PHACTR2: variants seen among roughly 807,000 people sequenced by gnomAD.
PHACTR2 encodes the protein phosphatase and actin regulator 2, also known as chromosome 6 open reading frame 56.
Under a neutral mutation model 76.0 loss-of-function variants are expected in PHACTR2, and 30 were observed. That is an observed-to-expected ratio of 0.39 (90% CI 0.30 to 0.54). PHACTR2 has a LOEUF of 0.54. Ranked by LOEUF, PHACTR2 falls within the 20% of genes least tolerant of loss-of-function variation. The pLI is 0.61. For missense variants in PHACTR2, 696 were observed against 781.1 expected (o/e 0.89, Z 1.30); for synonymous variants, 292 against 292.5 (o/e 1.00, Z 0.02).
At chr6:143,686,776 C>T (rs188766702) in intron 1 of PHACTR2, among the ~76,000 whole-genome samples, 17 of 152,072 alleles carry the variant, frequency 1.1e-4, no homozygotes, top group Admixed American at 6.5e-5. Flanking sequence ...TGAGCCACTG[C>T]GCCCACCCAG....
chr6:143,618,894 A>T lies in PHACTR2; in HGVS notation c.13+10572A>T, dbSNP rs1044833060. On this transcript the variant is annotated intron_variant, in intron 1 of 11. Coordinates refer to the PHACTR2 transcript ENST00000305766. The surrounding 1 kb of genome is among the most constrained non-coding windows in gnomAD (Gnocchi z 5.2). ...GCTGCTTCACGTGCTCCTCAAGAAC[A>T]GGGCCACGTCTCCTTCTTGAGCCTT... Among the ~76,000 whole-genome samples the T allele has an allele frequency of 6.6e-6, 1 of 152,062 alleles. No individual in the cohort carries two copies. Among genetic ancestry groups the T allele is most frequent in the Admixed American group, 6.6e-5 (1 of 15,258 alleles).
chr6:143,709,484 G>A lies in PHACTR2; in HGVS notation c.47-2532G>A, dbSNP rs534085636. 2.6e-5 allele frequency among the ~76,000 whole-genome samples: 4 copies of A among 152,164 alleles called. No homozygotes were observed. The highest frequency in any genetic ancestry group is 4.8e-5 in the African/African-American group (2 of 41,438). On this transcript the variant is annotated intron_variant, in intron 1 of 12. Coordinates refer to ENST00000440869, the MANE Select transcript of PHACTR2 (RefSeq NM_001100164.2). This position sits in a 1 kb window ranked among gnomAD's most constrained non-coding sequence, Gnocchi z 4.4. ...GTTCTTAGTGTGTCAAGTGATTTTC[G>A]ATGGAAACTTGGACATTTTTGTATT... is the stretch of plus-strand genomic sequence containing the variant.
rs779925700 is a variant in PHACTR2, at chr6:143,787,555, G to A, written c.1708-1218G>A. Among the ~76,000 whole-genome samples, 1 of 152,214 alleles carries A rather than the reference G, an allele frequency of 6.6e-6. No individual in the cohort carries two copies. The highest frequency in any genetic ancestry group is 2.1e-4 in the South Asian group (1 of 4,832). ...AATATTACAGTATTGGCTTAGTTCA[G>A]AAGGAAACTGAGGCCCAGGAAAGGG... is the stretch of plus-strand genomic sequence containing the variant. On this transcript the variant is annotated intron_variant, in intron 10 of 12. Transcript: ENST00000440869. The surrounding 1 kb of genome is among the most constrained non-coding windows in gnomAD (Gnocchi z 4.6).
rs540501496 is a variant in PHACTR2 at position 143,801,053 on chromosome 6, G to A, written c.1846-6004G>A. Among the ~76,000 whole-genome samples, 2 of 152,312 alleles carry A rather than the reference G, an allele frequency of 1.3e-5. No individual in the cohort carries two copies. Among genetic ancestry groups the A allele is most frequent in the East Asian group, 1.9e-4 (1 of 5,186 alleles). On this transcript the variant is annotated intron_variant, in intron 11 of 12. Coordinates refer to ENST00000440869, the MANE Select transcript of PHACTR2 (RefSeq NM_001100164.2). This position sits in a 1 kb window ranked among gnomAD's most constrained non-coding sequence, Gnocchi z 4.6. ...CTCTCTTCTGGCTGGTAGGGTATCT[G>A]CAGAGAGATCCACTGTTAGTCTGAT...
chr6:143,753,651 G>T lies in PHACTR2; in HGVS notation c.296-103G>T. ...CAGTGCAGGGTGTATTTGGTTCCCA[G>T]GGACTGAAACATGAATCTAAATTTT... On this transcript the variant is annotated intron_variant, in intron 3 of 12. Transcript: ENST00000440869. The surrounding 1 kb of genome is among the most constrained non-coding windows in gnomAD (Gnocchi z 4.6). 2 of 752,260 alleles carry T rather than the reference G, an allele frequency of 2.7e-6. No individual in the cohort carries two copies. The highest frequency in any genetic ancestry group is 2.7e-5 in the East Asian group (1 of 37,188). 46.6% of individuals were successfully genotyped at this position (752,260 alleles called of 1,614,324 possible).
chr6:143,636,294 A>G (rs548209405), intron 1 of PHACTR2, among the ~76,000 whole-genome samples: 53 of 151,868 alleles, frequency 3.5e-4, no homozygotes, highest in South Asian at 2.7e-3. Context: ...AAGGTTATAT[A>G]TATTTTATTA....
rs536706998 is a variant in PHACTR2 at position 143,557,842 on chromosome 6, A to C, written c.217+20635A>C. On this transcript the variant is annotated intron_variant, in intron 1 of 11. Transcript: ENST00000367584. The surrounding 1 kb of genome is among the most constrained non-coding windows in gnomAD (Gnocchi z 5.5). ...AAGCGAAGTCAGGTCATGTTCTTGA[A>C]GGTAAAATTAGGCCAGGGTTCTACG... The C allele has an allele frequency of 6.6e-6, 1 of 152,340 alleles. No homozygotes were observed. The highest frequency in any genetic ancestry group is 2.1e-4 in the South Asian group (1 of 4,834). 9.4% of individuals were successfully genotyped at this position (152,340 alleles called of 1,614,324 possible).
At chr6:143,719,365 T>C (rs1456178424) in intron 2 of PHACTR2, among the ~76,000 whole-genome samples, 6 of 142,422 alleles carry the variant, frequency 4.2e-5, no homozygotes, top group Middle Eastern at 3.6e-3. Context: ...TTTTTTTTTT[T>C]TTTTTGAGAC....
intron 5 of PHACTR2, among the ~76,000 whole-genome samples, chr6:143,762,180 A>G (rs1327862908): frequency 6.6e-6 from 1 of 152,112 alleles, no homozygotes; most frequent in African/African-American, 2.4e-5. Context: ...ACAGCCCCAA[A>G]TGATCACTCT....
At chr6:143,613,720 A>G (rs1335321818) in intron 1 of PHACTR2, among the ~76,000 whole-genome samples, 1 of 152,228 alleles carries the variant, frequency 6.6e-6, no homozygotes, top group African/African-American at 2.4e-5. Context: ...AACAACTGTT[A>G]GAAAAGATAT....
At chr6:143,797,425 G>A (rs751845168) in intron 11 of PHACTR2, among the ~76,000 whole-genome samples, 3 of 152,072 alleles carry the variant, frequency 2.0e-5, no homozygotes, top group Non-Finnish European at 4.4e-5. Context: ...TTAGATCCCC[G>A]TTTGTCAATT....
rs1435074033 is a variant in PHACTR2, at chr6:143,625,652, G to C, written c.13+17330G>C. ...AAGCTTATTAGTTCTTATTTTCTTT[G>C]TTTATCATAATTTTAGAATATAATT... On this transcript the variant is annotated intron_variant, in intron 1 of 11. Transcript: ENST00000305766. The surrounding 1 kb of genome is among the most constrained non-coding windows in gnomAD (Gnocchi z 4.3). 6.6e-6 allele frequency among the ~76,000 whole-genome samples: 1 copy of C among 152,052 alleles called. No individual in the cohort carries two copies. Among genetic ancestry groups the C allele is most frequent in the Non-Finnish European group, 1.5e-5 (1 of 67,982 alleles).
Position 143,570,143 on chromosome 6 carries a change from G to A in PHACTR2, c.217+32936G>A, listed in dbSNP as rs1299349300. Among the ~76,000 whole-genome samples the A allele has an allele frequency of 6.6e-6, 1 of 152,132 alleles. No homozygotes were observed. The highest frequency in any genetic ancestry group is 1.5e-5 in the Non-Finnish European group (1 of 68,028). On this transcript the variant is annotated intron_variant, in intron 1 of 11. Coordinates refer to the PHACTR2 transcript ENST00000367584. This position sits in a 1 kb window ranked among gnomAD's most constrained non-coding sequence, Gnocchi z 4.6. ...GATTCTGTTTCCCTTAAGTGTGTTAGGCTCAAATCAGATTTAACCAAAGAT... is the reference window on the plus strand; with the variant it reads ...GATTCTGTTTCCCTTAAGTGTGTTAAGCTCAAATCAGATTTAACCAAAGAT...
intron 1 of PHACTR2, among the ~76,000 whole-genome samples, chr6:143,703,429 C>G (rs979194470): frequency 5.9e-5 from 9 of 152,110 alleles, no homozygotes; most frequent in Non-Finnish European, 2.9e-5. Context: ...CTGATCTTAT[C>G]CCAACTGCCT....
At chr6:143,808,631 A>G (rs1297220379) in intron 12 of PHACTR2, among the ~76,000 whole-genome samples, 1 of 152,164 alleles carries the variant, frequency 6.6e-6, no homozygotes, top group Non-Finnish European at 1.5e-5. Context: ...CAGGGACTTG[A>G]GGAATCCATG....
At position 143,542,337 on chromosome 6, in the gene PHACTR2, T is replaced by G. The variant is rs74367448; in HGVS notation, c.217+5130T>G. On this transcript the variant is annotated intron_variant, in intron 1 of 11. Transcript: ENST00000367584. ...TCCAGAAGGGGCATCTCCTATCTGA[T>G]TCTTACCAAGTTACCATAGCAGCTG... is the stretch of plus-strand genomic sequence containing the variant. Among the ~76,000 whole-genome samples, 606 of 152,284 alleles carry G rather than the reference T, an allele frequency of 4.0e-3. 5 individuals carry two copies. Among genetic ancestry groups the G allele is most frequent in the African/African-American group, 0.013 (555 of 41,558 alleles).
At position 143,803,211 on chromosome 6, in the gene PHACTR2, C is replaced by G. The variant is rs900638938; in HGVS notation, c.1846-3846C>G. On this transcript the variant is annotated intron_variant, in intron 11 of 12. Coordinates refer to ENST00000440869, the MANE Select transcript of PHACTR2 (RefSeq NM_001100164.2). The surrounding 1 kb of genome is among the most constrained non-coding windows in gnomAD (Gnocchi z 4.7). ...GTGCTGATTTAATTTTACATAAACA[C>G]GCTCTTTGAGGCTGAAGCAAATCTG... Among the ~76,000 whole-genome samples the G allele has an allele frequency of 2.0e-5, 3 of 152,144 alleles. No individual in the cohort carries two copies. Among genetic ancestry groups the G allele is most frequent in the African/African-American group, 7.2e-5 (3 of 41,418 alleles).
intron 9 of PHACTR2, among the ~76,000 whole-genome samples, chr6:143,778,911 G>A (rs1327518972): frequency 5.3e-5 from 8 of 152,162 alleles, no homozygotes; most frequent in Admixed American, 4.6e-4. Context: ...AACTTACCGC[G>A]TGTTGATCTT....
intron 1 of PHACTR2, among the ~76,000 whole-genome samples, chr6:143,551,544 C>T (rs1371039976): frequency 2.0e-5 from 3 of 152,124 alleles, no homozygotes; most frequent in African/African-American, 7.2e-5. Context: ...ACAAGATGAG[C>T]TGGGTTTCTC....
Sources: gnomAD v4.1 joint callset for allele counts (sites outside exome capture counted in the v4.1 genomes callset) on GRCh38, gnomAD v4.1.1 for gene constraint, Gnocchi (gnomAD v3.1) non-coding constraint, MANE v1.5 for transcripts, NCBI Gene and HGNC (gene_info 2026-07-23, HGNC 2026-07-21) for gene names.